Variants in AKAP13 observed in about 807,000 individuals in gnomAD.
AKAP13 encodes the protein A-kinase anchoring protein 13, also known as A-kinase anchor protein 13.
In AKAP13, 80 loss-of-function variants were observed where a neutral mutation model predicts 264.5. That is an observed-to-expected ratio of 0.30 (90% CI 0.25 to 0.36). The LOEUF (loss-of-function observed/expected upper bound fraction) is 0.36. Ranked by LOEUF, AKAP13 falls within the 10% of genes least tolerant of loss-of-function variation. AKAP13 has a pLI of 1.00. For synonymous variants in AKAP13, 1,380 were observed against 1,250.2 expected (o/e 1.10, Z -2.19); for missense variants, 3,712 against 3,435.2 (o/e 1.08, Z -2.01).
At chr15:85,382,163 G>C (rs1049758121) in intron 1 of AKAP13, 28 of 152,150 alleles carry the variant, frequency 1.8e-4, no homozygotes, top group African/African-American at 6.5e-4. Context: ...ATTCATAGTG[G>C]AGCAAAATGG....
intron 8 of AKAP13, among the ~76,000 whole-genome samples, chr15:85,606,154 T>G (rs1210739954): frequency 3.6e-5 from 5 of 139,264 alleles, no homozygotes; most frequent in Non-Finnish European, 7.6e-5. Context: ...CAGGCTGGAG[T>G]GCAGTGGCAT....
At chr15:85,547,762 A>G (rs1256826466) in intron 5 of AKAP13, among the ~76,000 whole-genome samples, 2 of 152,170 alleles carry the variant, frequency 1.3e-5, no homozygotes, top group African/African-American at 4.8e-5. Context: ...TCATGTAGGG[A>G]GCATAACTCA....
intron 8 of AKAP13, among the ~76,000 whole-genome samples, chr15:85,630,270 C>T (rs401914): frequency 0.45 from 65,998 of 145,576 alleles, 15,474 homozygotes; most frequent in Middle Eastern, 0.58. Flanking sequence ...CACACACAAA[C>T]ACAATGAACT....
chr15:85,632,220 A>G (rs1422822352), intron 8 of AKAP13, among the ~76,000 whole-genome samples: 2 of 152,182 alleles, frequency 1.3e-5, no homozygotes, highest in Non-Finnish European at 2.9e-5. Flanking sequence ...CATAGCCAGC[A>G]GCATCAGCAT....
intron 1 of AKAP13, among the ~76,000 whole-genome samples, chr15:85,471,523 A>G (rs1447051190): frequency 1.3e-5 from 2 of 152,078 alleles, no homozygotes; most frequent in African/African-American, 4.8e-5. Flanking sequence ...CAAACAAAAA[A>G]CTGCTTTATT....
chr15:85,443,588 A>G (rs1391065879), intron 1 of AKAP13, among the ~76,000 whole-genome samples: 1 of 152,172 alleles, frequency 6.6e-6, no homozygotes. Context: ...GTTGTAACAC[A>G]ATGGTAAGTA....
intron 5 of AKAP13, among the ~76,000 whole-genome samples, chr15:85,557,305 T>C (rs1266691874): frequency 1.3e-5 from 2 of 152,196 alleles, no homozygotes; most frequent in African/African-American, 4.8e-5. Context: ...CTTGGAAGAT[T>C]AAATAAGATA....
chr15:85,623,314 T>C (rs2081275517), intron 8 of AKAP13, among the ~76,000 whole-genome samples: 2 of 152,248 alleles, frequency 1.3e-5, no homozygotes, highest in Non-Finnish European at 2.9e-5. Context: ...AGCATCATGT[T>C]ATATAAATTG....
intron 2 of AKAP13, among the ~76,000 whole-genome samples, chr15:85,515,269 T>C (rs2076562731): frequency 7.2e-6 from 1 of 139,126 alleles, no homozygotes; most frequent in Non-Finnish European, 1.5e-5. Context: ...TTACATCTTA[T>C]AAACTTTATG....
intron 1 of AKAP13, among the ~76,000 whole-genome samples, chr15:85,402,812 C>T (rs962166261): frequency 8.5e-5 from 13 of 152,180 alleles, no homozygotes; most frequent in African/African-American, 3.1e-4. Flanking sequence ...TAAACTCCCA[C>T]AGCCAGAAGT....
At chr15:85,606,532 C>A (rs552336482) in intron 8 of AKAP13, among the ~76,000 whole-genome samples, 1 of 152,158 alleles carries the variant, frequency 6.6e-6, no homozygotes, top group Non-Finnish European at 1.5e-5. Context: ...TCTTGTTCCA[C>A]GAGACTTGTA....
intron 26 of AKAP13, 88 bp downstream of exon 26, chr15:85,723,408 T>G: frequency 1.3e-6 from 2 of 1,548,210 alleles, no homozygotes; most frequent in Admixed American, 1.9e-5. Context: ...ACTACCAGAT[T>G]TTTTTCCCAG....
intron 6 of AKAP13, 76 bp downstream of exon 6, chr15:85,575,405 C>T: frequency 1.5e-6 from 2 of 1,376,390 alleles, no homozygotes; most frequent in Non-Finnish European, 2.1e-6. Context: ...CCCCGCCCTC[C>T]TCCAATGAAC....
intron 6 of AKAP13, among the ~76,000 whole-genome samples, chr15:85,577,010 T>C (rs904609332): frequency 1.3e-5 from 2 of 152,212 alleles, no homozygotes; most frequent in Non-Finnish European, 2.9e-5. Flanking sequence ...TTTAATGACT[T>C]CATTTCCTGA....
intron 21 of AKAP13, 32 bp downstream of exon 21, chr15:85,717,434 C>A: frequency 6.9e-7 from 1 of 1,455,598 alleles, no homozygotes; most frequent in Non-Finnish European, 9.6e-7. Context: ...TATTTTATGC[C>A]TCTGTAGGGA....
chr15:85,520,775 T>C (rs2076794612), intron 2 of AKAP13: 1 of 511,120 alleles, frequency 2.0e-6, no homozygotes, highest in Admixed American at 2.0e-5. Context: ...GTTTAAACTA[T>C]GGGGATACGT....
intron 1 of AKAP13, among the ~76,000 whole-genome samples, chr15:85,458,872 T>C (rs1299789398): frequency 2.0e-5 from 3 of 152,230 alleles, no homozygotes; most frequent in Non-Finnish European, 4.4e-5. Context: ...CCTTAATGGC[T>C]TCTATCACTC....
chr15:85,579,901 A>T lies in AKAP13; in HGVS notation c.1833A>T (p.Ile611=). 6.2e-7 allele frequency: 1 copy of T among 1,614,250 alleles called. No individual in the cohort carries two copies. Among genetic ancestry groups the T allele is most frequent in the Non-Finnish European group, 8.5e-7 (1 of 1,180,042 alleles). ...LEPYTLLAAG[I]GEAMSPSDLA... ...CTTATACTCTCTTAGCAGCAGGCAT[A>T]GGTGAGGCAATGTCACCCTCAGATT... is the stretch of plus-strand genomic sequence containing the variant. Residue 611 remains isoleucine (I), a synonymous_variant, in exon 7 of 37, where the codon ATA becomes ATT. Transcript: ENST00000394518.
At chr15:85,550,401 G>A (rs2077917251) in intron 5 of AKAP13, among the ~76,000 whole-genome samples, 1 of 152,212 alleles carries the variant, frequency 6.6e-6, no homozygotes, top group Admixed American at 6.5e-5. Context: ...ATGATTTACT[G>A]TAGTGGGCAC....
Sources: gnomAD v4.1 joint callset for allele counts (sites outside exome capture counted in the v4.1 genomes callset) on GRCh38, gnomAD v4.1.1 for gene constraint, MANE v1.5 for transcripts, NCBI Gene and HGNC (gene_info 2026-07-23, HGNC 2026-07-21) for gene names.